The following BCAS3 variants were observed in gnomAD, a reference collection of about 807,000 sequenced individuals.
BCAS3 encodes BCAS4/BCAS3 fusion.
Under a neutral mutation model 116.1 loss-of-function variants are expected in BCAS3, and 53 were observed. The observed-to-expected ratio is 0.46, with a 90% CI of 0.37 to 0.57. The LOEUF (loss-of-function observed/expected upper bound fraction) is 0.57. BCAS3 is among the 20% of genes least tolerant of loss of function. The probability of loss-of-function intolerance (pLI) is 0.00; values close to 1 mark genes in which losing one functional copy is unlikely to be tolerated. For missense variants in BCAS3, 917 were observed against 1,165.4 expected, an observed-to-expected ratio of 0.79 and a Z score of 3.10; for synonymous variants, 391 against 408.2, an observed-to-expected ratio of 0.96 and a Z score of 0.51.
In BCAS3 at chr17:61,083,753, A is replaced by C. The variant is rs1286251424; in HGVS notation, c.2328-714A>C. ...TGGGACTATAGGTGCATGCCACCACACCCGGCTAATTTTTGCATTTTTAGT... is the reference window on the plus strand; with the variant it reads ...TGGGACTATAGGTGCATGCCACCACCCCCGGCTAATTTTTGCATTTTTAGT... On this transcript the variant is annotated intron_variant, in intron 21 of 23. Coordinates refer to ENST00000407086, the MANE Select transcript of BCAS3 (RefSeq NM_017679.5). This position sits in a 1 kb window ranked among gnomAD's most constrained non-coding sequence, Gnocchi z 4.9. Among the ~76,000 whole-genome samples, 1 of 151,730 alleles carries C rather than the reference A, an allele frequency of 6.6e-6. No homozygotes were observed. The highest frequency in any genetic ancestry group is 2.4e-5 in the African/African-American group (1 of 41,298).
At chr17:61,177,759 C>G (rs1181603036) in intron 22 of BCAS3, among the ~76,000 whole-genome samples, 1 of 152,130 alleles carries the variant, frequency 6.6e-6, no homozygotes, top group Non-Finnish European at 1.5e-5. Flanking sequence ...TACCCTCATT[C>G]TATATTCTGT....
intron 13 of BCAS3, among the ~76,000 whole-genome samples, chr17:60,943,233 G>A (rs2060315610): frequency 6.6e-6 from 1 of 151,998 alleles, no homozygotes; most frequent in African/African-American, 2.4e-5. Context: ...TAAATTGGTA[G>A]ACCTAAGTCC....
rs1467677859 is a variant in BCAS3 at position 61,323,114 on chromosome 17, G to A, written c.2426-45213G>A. On this transcript the variant is annotated intron_variant, in intron 22 of 23. Transcript: ENST00000407086. The surrounding 1 kb of genome is among the most constrained non-coding windows in gnomAD (Gnocchi z 4.6). ...AAAGAAAAAGGAGAATGGTCACATG[G>A]ATTTAGCATCACACGGGGAATTCGC... is the stretch of plus-strand genomic sequence containing the variant. Among the ~76,000 whole-genome samples the A allele has an allele frequency of 1.3e-5, 2 of 152,148 alleles. No individual in the cohort carries two copies. The highest frequency in any genetic ancestry group is 2.9e-5 in the Non-Finnish European group (2 of 68,026).
rs1285324134 is a variant in BCAS3, at chr17:61,326,752, T to C, written c.2426-41575T>C. ...TGGATACATTACATTTCCAGTGGAT[T>C]TGAAGATGTTAAATCTACAGTCAGA... On this transcript the variant is annotated intron_variant, in intron 22 of 23. Transcript: ENST00000407086. The surrounding 1 kb of genome is among the most constrained non-coding windows in gnomAD (Gnocchi z 5.3). 1.3e-5 allele frequency among the ~76,000 whole-genome samples: 2 copies of C among 152,178 alleles called. No homozygotes were observed. The highest frequency in any genetic ancestry group is 1.9e-4 in the East Asian group (1 of 5,180).
At chr17:60,701,253 T>A (rs80264515) in intron 4 of BCAS3, among the ~76,000 whole-genome samples, 63 of 138,402 alleles carry the variant, frequency 4.6e-4, no homozygotes, top group Admixed American at 8.9e-4. Flanking sequence ...AAAAAAAAAA[T>A]AAATAAATAA....
chr17:60,967,744 AC>A lies in BCAS3; in HGVS notation c.1221+20398del, dbSNP rs1207895263. Among the ~76,000 whole-genome samples, 1 of 150,544 alleles carries A rather than the reference AC, an allele frequency of 6.6e-6. No homozygotes were observed. The highest frequency in any genetic ancestry group is 2.4e-5 in the African/African-American group (1 of 40,868). ...TTTTGTTCTTTGTCCTTCTCCCACC[AC>A]CCCCCACACCCCCAATTGTATTTTC... On this transcript the variant is annotated intron_variant, in intron 14 of 23. Coordinates refer to ENST00000407086, the MANE Select transcript of BCAS3 (RefSeq NM_017679.5). The surrounding 1 kb of genome is among the most constrained non-coding windows in gnomAD (Gnocchi z 4.7).
intron 22 of BCAS3, among the ~76,000 whole-genome samples, chr17:61,357,409 G>A (rs930868240): frequency 2.0e-5 from 3 of 148,816 alleles, no homozygotes; most frequent in East Asian, 2.0e-4. Context: ...CAGCCTGGGC[G>A]ACAGAGTGAG....
intron 12 of BCAS3, among the ~76,000 whole-genome samples, chr17:60,921,626 A>G (rs1341536058): frequency 6.6e-6 from 1 of 151,124 alleles, no homozygotes; most frequent in South Asian, 2.1e-4. Flanking sequence ...AAAAAAAAAA[A>G]AAAAAAAAAA....
chr17:60,760,074 T>C (rs2043371556), intron 6 of BCAS3, among the ~76,000 whole-genome samples: 1 of 152,250 alleles, frequency 6.6e-6, no homozygotes. Flanking sequence ...TGTATGTCTG[T>C]AGGCAAAGTG....
Position 60,993,855 on chromosome 17 carries a change from G to A in BCAS3, c.1486+3620G>A, listed in dbSNP as rs183688362. On this transcript the variant is annotated intron_variant, in intron 15 of 23. Coordinates refer to ENST00000407086, the MANE Select transcript of BCAS3 (RefSeq NM_017679.5). This position sits in a 1 kb window ranked among gnomAD's most constrained non-coding sequence, Gnocchi z 4.2. ...TACTCTTTGGACCCAATCCAGTTTA[G>A]GTTAGGATTATTTTATCTATTTGCC... Among the ~76,000 whole-genome samples the A allele has an allele frequency of 1.1e-4, 16 of 152,112 alleles. No individual in the cohort carries two copies. The highest frequency in any genetic ancestry group is 3.6e-4 in the African/African-American group (15 of 41,518).
chr17:61,080,656 A>T (rs1331997256), intron 21 of BCAS3, among the ~76,000 whole-genome samples: 1 of 152,130 alleles, frequency 6.6e-6, no homozygotes, highest in Non-Finnish European at 1.5e-5. Context: ...GCTACTCGGG[A>T]GGCTGCGGCA....
intron 5 of BCAS3, among the ~76,000 whole-genome samples, chr17:60,739,183 C>G (rs759233496): frequency 1.3e-5 from 2 of 152,116 alleles, no homozygotes; most frequent in Non-Finnish European, 2.9e-5. Context: ...TTTCTTGTAT[C>G]ATTGCTGTCA....
rs2079941169 is a variant in BCAS3 at position 61,189,023 on chromosome 17, A to C, written c.2425+104459A>C. ...GAGGTTAAAGCAGGAGAATTGCTTGAGGCCGGGAGATTGAGGCTGCAGTGA... is the reference window on the plus strand; with the variant it reads ...GAGGTTAAAGCAGGAGAATTGCTTGCGGCCGGGAGATTGAGGCTGCAGTGA... On this transcript the variant is annotated intron_variant, in intron 22 of 23. Coordinates refer to ENST00000407086, the MANE Select transcript of BCAS3 (RefSeq NM_017679.5). This position sits in a 1 kb window ranked among gnomAD's most constrained non-coding sequence, Gnocchi z 4.5. Among the ~76,000 whole-genome samples, 1 of 152,100 alleles carries C rather than the reference A, an allele frequency of 6.6e-6. No individual in the cohort carries two copies. The highest frequency in any genetic ancestry group is 1.5e-5 in the Non-Finnish European group (1 of 68,012).
intron 6 of BCAS3, among the ~76,000 whole-genome samples, chr17:60,791,393 G>T (rs933782095): frequency 6.6e-6 from 1 of 152,176 alleles, no homozygotes; most frequent in Non-Finnish European, 1.5e-5. Flanking sequence ...GGTGACTCAC[G>T]TCTGTATCCC....
chr17:60,687,161 A>G (rs1275783646), intron 3 of BCAS3, among the ~76,000 whole-genome samples: 1 of 152,258 alleles, frequency 6.6e-6, no homozygotes, highest in Non-Finnish European at 1.5e-5. Flanking sequence ...GTGTTGAAAT[A>G]TAAAAGAAGT....
At chr17:60,734,140 A>AT (rs1454597486) in intron 5 of BCAS3, among the ~76,000 whole-genome samples, 1 of 152,146 alleles carries the variant, frequency 6.6e-6, no homozygotes, top group Non-Finnish European at 1.5e-5. Context: ...TGTTGCTCTA[A>AT]TCCCCAGGCT....
chr17:60,878,879 A>G (rs2055861482), intron 9 of BCAS3, among the ~76,000 whole-genome samples: 1 of 152,216 alleles, frequency 6.6e-6, no homozygotes, highest in African/African-American at 2.4e-5. Flanking sequence ...ATCAATATTT[A>G]GAACAAAATT....
intron 6 of BCAS3, among the ~76,000 whole-genome samples, chr17:60,783,766 A>G (rs1033623221): frequency 2.6e-5 from 4 of 152,192 alleles, no homozygotes; most frequent in African/African-American, 4.8e-5. Flanking sequence ...TATTTGTTCT[A>G]AATGAAATGT....
intron 16 of BCAS3, chr17:61,027,189 T>C: frequency 2.2e-6 from 1 of 451,678 alleles, no homozygotes. Context: ...TCGTAAATAT[T>C]ACAAGACAAG....
Sources: allele counts gnomAD v4.1 joint callset (sites outside exome capture counted in the v4.1 genomes callset), GRCh38; gene constraint gnomAD v4.1.1; non-coding constraint Gnocchi (gnomAD v3.1); transcripts MANE v1.5; gene names NCBI Gene and HGNC (gene_info 2026-07-23, HGNC 2026-07-21).